CHI3L2: variants seen among roughly 807,000 people sequenced by gnomAD.
CHI3L2 encodes the protein chitinase 3 like 2.
A neutral mutation model predicts 47.3 loss-of-function variants in CHI3L2; 47 were observed. The observed-to-expected ratio is 0.99, with a 90% CI of 0.79 to 1.27. CHI3L2 has a LOEUF of 1.27. Ranked by LOEUF, CHI3L2 falls within the 50% of genes most tolerant of loss-of-function variation. The probability of loss-of-function intolerance (pLI) is 0.00; values close to 1 mark genes in which losing one functional copy is unlikely to be tolerated. For synonymous variants in CHI3L2, 198 were observed against 169.9 expected (o/e 1.17, Z -1.28); for missense variants, 497 against 462.1 (o/e 1.08, Z -0.69).
intron 4 of CHI3L2, 80 bp from the exon 5 acceptor site, chr1:111,234,827 C>T (rs2101550102): frequency 7.3e-7 from 1 of 1,368,172 alleles, no homozygotes; most frequent in East Asian, 2.3e-5. Context: ...GAAGACTGCT[C>T]AGGATTTCTG....
intron 7 of CHI3L2, among the ~76,000 whole-genome samples, chr1:111,236,657 A>G (rs1362383959): frequency 6.7e-6 from 1 of 149,428 alleles, no homozygotes; most frequent in East Asian, 1.9e-4. Context: ...TGAAAAGTAA[A>G]AAAAAAAAAA....
intron 1 of CHI3L2, 150 bp from the exon 2 acceptor site, chr1:111,229,702 A>AAAAG (rs1659650044): frequency 7.9e-6 from 9 of 1,133,492 alleles, no homozygotes; most frequent in South Asian, 2.5e-5. Flanking sequence ...AAAAAAAAAA[A>AAAAG]AAAGAAACCA....
At chr1:111,232,751 A>G (rs887749097) in intron 4 of CHI3L2, among the ~76,000 whole-genome samples, 5 of 152,242 alleles carry the variant, frequency 3.3e-5, no homozygotes, top group Admixed American at 6.5e-5. Context: ...CTTGCTTCTA[A>G]GGAACAAATT....
At chr1:111,230,005 A>T (rs1281848938) in intron 2 of CHI3L2, 124 bp downstream of exon 2, 2 of 1,051,796 alleles carry the variant, frequency 1.9e-6, no homozygotes, top group East Asian at 5.1e-5. Flanking sequence ...TCTGCCACTG[A>T]CATATTTATG....
rs1659835378 is a variant in CHI3L2, at chr1:111,234,982, T to C, written c.405T>C (p.His135=). Residue 135 remains histidine (H), a synonymous_variant, in exon 5 of 11, where the codon CAT becomes CAC. Coordinates refer to ENST00000369748, the MANE Select transcript of CHI3L2 (RefSeq NM_004000.3). ...INSIILFLRN[H]NFDGLDVSWI... ...CCATAATCCTGTTTCTGAGGAACCA[T>C]AACTTTGATGGACTGGATGTAAGCT... 2 of 1,614,162 alleles carry C rather than the reference T, an allele frequency of 1.2e-6. No individual in the cohort carries two copies. The highest frequency in any genetic ancestry group is 1.7e-6 in the Non-Finnish European group (2 of 1,180,004).
At chr1:111,239,854 A>G (rs1017812746) in intron 8 of CHI3L2, among the ~76,000 whole-genome samples, 8 of 152,258 alleles carry the variant, frequency 5.3e-5, no homozygotes, top group Admixed American at 1.3e-4. Context: ...TGTGAAAGCT[A>G]GAAATAAGTA....
At chr1:111,238,953 C>G in intron 8 of CHI3L2, 21 bp downstream of exon 8, 1 of 1,552,912 alleles carries the variant, frequency 6.4e-7, no homozygotes, top group East Asian at 2.3e-5. Context: ...ACCCCCTGTA[C>G]CCTCAGCTCC....
intron 3 of CHI3L2, 116 bp from the exon 4 acceptor site, chr1:111,231,122 G>T: frequency 9.5e-7 from 1 of 1,048,450 alleles, no homozygotes. Flanking sequence ...CTTCACTTTA[G>T]TTCAAACAGC....
At chr1:111,235,871 A>G in intron 6 of CHI3L2, 108 bp downstream of exon 6, 1 of 1,550,958 alleles carries the variant, frequency 6.4e-7, no homozygotes, top group Non-Finnish European at 8.8e-7. Context: ...AGGGAAGGTC[A>G]TTGTCCTAAC....
chr1:111,229,825 A>G (rs1325710685), intron 1 of CHI3L2, 27 bp from the exon 2 acceptor site: 1 of 1,612,872 alleles, frequency 6.2e-7, no homozygotes, highest in Admixed American at 1.7e-5. Flanking sequence ...GGCTCAACAG[A>G]TTTCTCTTTC....
chr1:111,239,057 C>G, intron 8 of CHI3L2, 125 bp downstream of exon 8: 1 of 896,260 alleles, frequency 1.1e-6, no homozygotes, highest in Admixed American at 3.1e-5. Flanking sequence ...TACTACTGAA[C>G]ATGTGAGGGG....
chr1:111,227,691 C>G, upstream of CHI3L2: 1 of 1,609,306 alleles, frequency 6.2e-7, no homozygotes, highest in Non-Finnish European at 8.5e-7. Context: ...GGATAAAAGA[C>G]CTAGAGAATG....
chr1:111,235,932 C>T, intron 6 of CHI3L2, 92 bp from the exon 7 acceptor site: 1 of 1,563,652 alleles, frequency 6.4e-7, no homozygotes, highest in Non-Finnish European at 8.7e-7. Context: ...TTCAATCCTT[C>T]TAGCAGCATC....
rs199696199 is a variant in CHI3L2 at position 111,238,826 on chromosome 1, A to C, written c.812A>C (p.His271Pro). The change falls in exon 8 of 11, where the codon CAC (histidine) becomes CCC (proline). Residue 271 changes from histidine (H) to proline (P), a missense_variant. Coordinates refer to ENST00000369748, the MANE Select transcript of CHI3L2 (RefSeq NM_004000.3). ...KVVMGIPTYG[H>P]SFTLASAETT... is the part of the protein sequence containing the mutation. ...GTCATGGGCATCCCCACATATGGGC[A>C]CTCCTTCACACTGGCCTCTGCAGAA... The C allele has an allele frequency of 1.2e-6, 2 of 1,613,720 alleles. No individual in the cohort carries two copies. The highest frequency in any genetic ancestry group is 2.2e-5 in the South Asian group (2 of 91,008).
chr1:111,229,689 A>AAAAAAT (rs1659648124), intron 1 of CHI3L2, 163 bp from the exon 2 acceptor site: 1 of 957,182 alleles, frequency 1.0e-6, no homozygotes, highest in Admixed American at 4.8e-5. Flanking sequence ...CTCAAAAAAA[A>AAAAAAT]AAAAAAAAAA....
intron 2 of CHI3L2, among the ~76,000 whole-genome samples, chr1:111,230,343 T>C (rs1345337327): frequency 2.6e-5 from 4 of 152,190 alleles, no homozygotes; most frequent in African/African-American, 9.6e-5. Context: ...AGCCTTGACC[T>C]CCCAGGCTCA....
In CHI3L2 at chr1:111,227,769, G is replaced by A. The variant is rs1659567906; in HGVS notation, c.40G>A (p.Gly14Ser). ...CATGGACCAGAAGTCTCTCTGGGCA[G>A]GTGAGCATGGGGTTGATAATTCAGC... ...TTMDQKSLWA[G>S]VVVLLLLQGG... Residue 14 changes from glycine (G) to serine (S), a missense_variant and splice_region_variant, in exon 1 of 11, where the codon GGT becomes AGT. By Grantham distance (56) the Gly-to-Ser change is moderately conservative. Transcript: ENST00000369748. 1.2e-6 allele frequency: 2 copies of A among 1,614,012 alleles called. No individual in the cohort carries two copies. The highest frequency in any genetic ancestry group is 1.7e-6 in the Non-Finnish European group (2 of 1,179,962).
intron 7 of CHI3L2, among the ~76,000 whole-genome samples, chr1:111,236,803 A>G (rs1659900970): frequency 6.6e-6 from 1 of 152,174 alleles, no homozygotes; most frequent in South Asian, 2.1e-4. Context: ...GGGAGACTGG[A>G]ATTTTATTAT....
chr1:111,231,119 T>G, intron 3 of CHI3L2, 119 bp from the exon 4 acceptor site: 2 of 1,021,174 alleles, frequency 2.0e-6, no homozygotes, highest in Non-Finnish European at 3.0e-6. Context: ...GAACTTCACT[T>G]TAGTTCAAAC....
Sources: gnomAD v4.1 joint callset for allele counts (sites outside exome capture counted in the v4.1 genomes callset) on GRCh38, gnomAD v4.1.1 for gene constraint, MANE v1.5 for transcripts, NCBI Gene and HGNC (gene_info 2026-07-23, HGNC 2026-07-21) for gene names.